ARHGAP29: variants seen among roughly 807,000 people sequenced by gnomAD.
ARHGAP29 encodes Rho GTPase activating protein 29, also known as rho GTPase-activating protein 29.
ARHGAP29 carries 43 observed loss-of-function variants against 122.6 expected under a neutral mutation model. That is an observed-to-expected ratio of 0.35 (90% CI 0.27 to 0.45). The LOEUF (loss-of-function observed/expected upper bound fraction) is 0.45. Ranked by LOEUF, ARHGAP29 falls within the 20% of genes least tolerant of loss-of-function variation. The probability of loss-of-function intolerance (pLI) is 1.00; values close to 1 mark genes in which losing one functional copy is unlikely to be tolerated. For synonymous variants in ARHGAP29, 506 were observed against 497.1 expected, an observed-to-expected ratio of 1.02 and a Z score of -0.24; for missense variants, 1,303 against 1,477.2, an observed-to-expected ratio of 0.88 and a Z score of 1.93.
intron 1 of ARHGAP29, among the ~76,000 whole-genome samples, chr1:94,269,178 C>T (rs1030044726): frequency 6.6e-6 from 1 of 152,068 alleles, no homozygotes; most frequent in Non-Finnish European, 1.5e-5. Context: ...TGCTGCTTAG[C>T]CCTGACTGGA....
upstream of ARHGAP29, among the ~76,000 whole-genome samples, chr1:94,278,240 G>T (rs879925501): frequency 6.6e-6 from 1 of 152,026 alleles, no homozygotes; most frequent in Admixed American, 6.5e-5. Flanking sequence ...GATAATTTCA[G>T]CCCATGAGTT....
At chr1:94,261,274 T>C (rs1349280803) in intron 1 of ARHGAP29, among the ~76,000 whole-genome samples, 4 of 152,202 alleles carry the variant, frequency 2.6e-5, no homozygotes. Context: ...TCAAGGCACA[T>C]AGGTTATTAT....
intron 3 of ARHGAP29, among the ~76,000 whole-genome samples, chr1:94,211,594 T>C (rs1199220843): frequency 2.0e-5 from 3 of 152,178 alleles, no homozygotes; most frequent in East Asian, 1.9e-4. Flanking sequence ...AGATAGACTA[T>C]ATTATGGGCC....
At chr1:94,247,677 C>A (rs940704087) in intron 1 of ARHGAP29, among the ~76,000 whole-genome samples, 1 of 151,662 alleles carries the variant, frequency 6.6e-6, no homozygotes, top group Non-Finnish European at 1.5e-5. Context: ...CGCAGACGCC[C>A]GGCCAAGTGG....
intron 1 of ARHGAP29, among the ~76,000 whole-genome samples, chr1:94,255,172 T>A (rs1211129881): frequency 1.3e-5 from 2 of 152,040 alleles, no homozygotes; most frequent in Non-Finnish European, 2.9e-5. Context: ...TAAAATGAGG[T>A]CATTAGTGTA....
upstream of ARHGAP29, among the ~76,000 whole-genome samples, chr1:94,278,128 C>T (rs1163275871): frequency 6.6e-6 from 1 of 151,912 alleles, no homozygotes; most frequent in Non-Finnish European, 1.5e-5. Flanking sequence ...CCAGCCTGGG[C>T]AACAGAGCAA....
At chr1:94,312,900 T>C in the ARHGAP29 span, among the ~76,000 whole-genome samples, 1 of 152,212 alleles carries the variant, frequency 6.6e-6, no homozygotes, top group Non-Finnish European at 1.5e-5. Flanking sequence ...GCCTCAGACC[T>C]CATCCTTTCT....
At chr1:94,186,633 T>C in intron 15 of ARHGAP29, 36 bp from the exon 16 acceptor site, 1 of 1,410,484 alleles carries the variant, frequency 7.1e-7, no homozygotes, top group African/African-American at 1.4e-5. Flanking sequence ...ACCTGACCAT[T>C]CATTGTAGAA....
chr1:94,217,182 T>C (rs1006878099), intron 3 of ARHGAP29, among the ~76,000 whole-genome samples: 14 of 152,198 alleles, frequency 9.2e-5, no homozygotes, highest in African/African-American at 3.4e-4. Flanking sequence ...ACTTAAGGTC[T>C]CCAAAGTAAG....
chr1:94,281,248 T>C, the ARHGAP29 span, among the ~76,000 whole-genome samples: 1 of 152,188 alleles, frequency 6.6e-6, no homozygotes, highest in Non-Finnish European at 1.5e-5. Context: ...AACATTCACA[T>C]TGATACATGT....
chr1:94,284,086 G>GA, the ARHGAP29 span, among the ~76,000 whole-genome samples: 213 of 144,148 alleles, frequency 1.5e-3, 1 homozygote, highest in African/African-American at 4.7e-3. Context: ...GCAGAAATGG[G>GA]AAAAAAAAAA....
intron 3 of ARHGAP29, among the ~76,000 whole-genome samples, chr1:94,210,633 A>G (rs1301405761): frequency 1.3e-5 from 2 of 152,218 alleles, no homozygotes; most frequent in African/African-American, 4.8e-5. Flanking sequence ...CATTGCGAAT[A>G]TGGTTCTTAA....
At chr1:94,197,050 AG>A (rs1228324867) in intron 12 of ARHGAP29, among the ~76,000 whole-genome samples, 1 of 152,170 alleles carries the variant, frequency 6.6e-6, no homozygotes, top group Non-Finnish European at 1.5e-5. Context: ...ATTAAGAAAA[AG>A]AAAAACTGAT....
chr1:94,184,345 T>C (rs986063422), intron 18 of ARHGAP29, 57 bp from the exon 19 acceptor site: 2 of 1,271,442 alleles, frequency 1.6e-6, no homozygotes, highest in Non-Finnish European at 2.2e-6. Context: ...AATGGCTAAA[T>C]GCAGATATCT....
At chr1:94,303,200 A>G in the ARHGAP29 span, among the ~76,000 whole-genome samples, 3 of 152,168 alleles carry the variant, frequency 2.0e-5, no homozygotes, top group Non-Finnish European at 4.4e-5. Flanking sequence ...TTGTCAGATA[A>G]CATTAATAAA....
At chr1:94,273,893 A>G (rs1292765635) in intron 1 of ARHGAP29, among the ~76,000 whole-genome samples, 2 of 149,668 alleles carry the variant, frequency 1.3e-5, no homozygotes, top group African/African-American at 5.0e-5. Flanking sequence ...GCAGATGAGC[A>G]GTAGCATTAA....
chr1:94,278,888 T>TC (rs1232240986), upstream of ARHGAP29, among the ~76,000 whole-genome samples: 2 of 152,170 alleles, frequency 1.3e-5, no homozygotes, highest in African/African-American at 4.8e-5. Flanking sequence ...TTAGGGCTTC[T>TC]CCCCTGGTAT....
chr1:94,255,793 G>T (rs887615181), intron 1 of ARHGAP29, among the ~76,000 whole-genome samples: 1 of 152,282 alleles, frequency 6.6e-6, no homozygotes, highest in East Asian at 1.9e-4. Context: ...GGGATGCCCT[G>T]GTCTCTTCAT....
intron 12 of ARHGAP29, chr1:94,192,273 T>C (rs1650174021): frequency 6.6e-6 from 1 of 152,002 alleles, no homozygotes; most frequent in Non-Finnish European, 1.5e-5. Context: ...TAAATGGAAA[T>C]AAACTACAAT....
Sources: gnomAD v4.1 joint callset for allele counts (sites outside exome capture counted in the v4.1 genomes callset) on GRCh38, gnomAD v4.1.1 for gene constraint, MANE v1.5 for transcripts, NCBI Gene and HGNC (gene_info 2026-07-23, HGNC 2026-07-21) for gene names.